Variants in MACC1 observed in about 807,000 individuals in gnomAD.
MACC1 encodes the protein MET transcriptional regulator MACC1.
MACC1 carries 79 observed loss-of-function variants against 70.7 expected under a neutral mutation model. That is an observed-to-expected ratio of 1.12 (90% CI 0.93 to 1.35). MACC1 has a LOEUF of 1.35. Among genes scored for constraint, MACC1 ranks in the 40% most tolerant of loss-of-function variants. The pLI is 0.00. For synonymous variants in MACC1, 361 were observed against 347.2 expected (o/e 1.04, Z -0.44); for missense variants, 1,106 against 978.1 (o/e 1.13, Z -1.74).
chr7:20,150,275 C>T (rs1781955980), intron 6 of MACC1, among the ~76,000 whole-genome samples: 1 of 151,784 alleles, frequency 6.6e-6, no homozygotes, highest in South Asian at 2.1e-4. Flanking sequence ...ACTGATAGAC[C>T]CAGAATAAGC....
intron 1 of MACC1, among the ~76,000 whole-genome samples, chr7:20,179,157 A>G (rs1420032012): frequency 6.6e-6 from 1 of 152,128 alleles, no homozygotes; most frequent in Non-Finnish European, 1.5e-5. Context: ...TTCCATTACT[A>G]TGACTACATT....
intron 1 of MACC1, among the ~76,000 whole-genome samples, chr7:20,183,983 C>G (rs547498002): frequency 6.6e-6 from 1 of 152,288 alleles, no homozygotes; most frequent in South Asian, 2.1e-4. Flanking sequence ...GCTGGGATTA[C>G]AGGCATGAGC....
chr7:20,204,791 C>G (rs1250829983), intron 1 of MACC1, among the ~76,000 whole-genome samples: 1 of 152,078 alleles, frequency 6.6e-6, no homozygotes, highest in East Asian at 1.9e-4. Flanking sequence ...AGGAATTAAC[C>G]ACCACATCTT....
chr7:20,204,239 C>A (rs921633540), intron 1 of MACC1, among the ~76,000 whole-genome samples: 6 of 152,112 alleles, frequency 3.9e-5, no homozygotes, highest in Non-Finnish European at 8.8e-5. Context: ...ACTGCAAACT[C>A]CGCCTCCCGG....
intron 1 of MACC1, among the ~76,000 whole-genome samples, chr7:20,205,155 T>C (rs1467030100): frequency 1.3e-5 from 2 of 152,242 alleles, no homozygotes; most frequent in Non-Finnish European, 2.9e-5. Flanking sequence ...ATTTTCATGA[T>C]GTCAAAACAG....
rs1398584261 is a variant in MACC1, at chr7:20,140,092, T to C, written c.*854A>G. 2 of 152,182 alleles carry C rather than the reference T, an allele frequency of 1.3e-5. No individual in the cohort carries two copies. Among genetic ancestry groups the C allele is most frequent in the African/African-American group, 4.8e-5 (2 of 41,454 alleles). 9.4% of individuals were successfully genotyped at this position (152,182 alleles called of 1,614,324 possible). A position where few individuals can be genotyped will look rare whatever the true frequency, so the allele number is the denominator to read the frequency against. ...GTCCCAAGATGCTGAAGGGAGCTGA[T>C]GAAAACACTAGGTCCATGCATGCAG... On this transcript the variant is annotated 3_prime_UTR_variant, in exon 7 of 7. Transcript: ENST00000400331.
Position 20,172,861 on chromosome 7 carries a change from G to A in MACC1, c.-217-2083C>T, listed in dbSNP as rs1228429986. Among the ~76,000 whole-genome samples the A allele has an allele frequency of 2.6e-5, 4 of 152,178 alleles. No individual in the cohort carries two copies. In the East Asian group the frequency reaches 7.7e-4, roughly 29 times the overall value. On this transcript the variant is annotated intron_variant, in intron 1 of 6. Coordinates refer to ENST00000400331, the MANE Select transcript of MACC1 (RefSeq NM_182762.4). ...CCTTGCTGAGAGCCTGTGCTGCTCT[G>A]GGGAAGCTAGTGGGTTCCTTGTGAT...
intron 6 of MACC1, 123 bp from the exon 7 acceptor site, chr7:20,141,281 G>T: frequency 1.7e-6 from 1 of 585,378 alleles, no homozygotes; most frequent in Non-Finnish European, 2.9e-6. Context: ...AATTACACAT[G>T]GACTTATTTG....
At chr7:20,142,277 G>C (rs17142488) in intron 6 of MACC1, among the ~76,000 whole-genome samples, 1 of 152,034 alleles carries the variant, frequency 6.6e-6, no homozygotes, top group Non-Finnish European at 1.5e-5. Context: ...AAGAATTAAA[G>C]ACCTAAATAG....
chr7:20,191,666 AAGG>A (rs1782674503), intron 1 of MACC1, among the ~76,000 whole-genome samples: 1 of 152,172 alleles, frequency 6.6e-6, no homozygotes, highest in Non-Finnish European at 1.5e-5. Flanking sequence ...AGAAGCTGGA[AAGG>A]AGAAGTGAGT....
chr7:20,149,601 C>T (rs897486178), intron 6 of MACC1, among the ~76,000 whole-genome samples: 13 of 152,126 alleles, frequency 8.5e-5, no homozygotes, highest in African/African-American at 3.1e-4. Context: ...AACCTCTATG[C>T]TCTGGTAGTC....
Position 20,188,143 on chromosome 7 carries a change from A to G in MACC1, c.-217-17365T>C, listed in dbSNP as rs1377170309. Among the ~76,000 whole-genome samples, 7 of 152,220 alleles carry G rather than the reference A, an allele frequency of 4.6e-5. No homozygotes were observed. In the South Asian group the frequency reaches 1.5e-3, roughly 32 times the overall value. ...CTATCTCAAGAAGAGCACAGGAAAAACCATCCCCATGATTCAATTATCTCC... is the reference window on the plus strand; with the variant it reads ...CTATCTCAAGAAGAGCACAGGAAAAGCCATCCCCATGATTCAATTATCTCC... On this transcript the variant is annotated intron_variant, in intron 1 of 6. Transcript: ENST00000400331.
intron 2 of MACC1, among the ~76,000 whole-genome samples, chr7:20,167,139 A>T (rs139307066): frequency 5.9e-5 from 9 of 152,152 alleles, no homozygotes; most frequent in African/African-American, 2.2e-4. Context: ...TTTCTTGTTT[A>T]CTTGCAACAA....
At chr7:20,174,623 A>G (rs1043088159) in intron 1 of MACC1, among the ~76,000 whole-genome samples, 1 of 152,102 alleles carries the variant, frequency 6.6e-6, no homozygotes, top group African/African-American at 2.4e-5. Context: ...AAAATCTACT[A>G]TTGATGTTTT....
chr7:20,215,510 A>G (rs1402881218), intron 1 of MACC1, among the ~76,000 whole-genome samples: 1 of 152,186 alleles, frequency 6.6e-6, no homozygotes, highest in Non-Finnish European at 1.5e-5. Context: ...GGAGAATTAC[A>G]AGTTTCATTC....
intron 1 of MACC1, among the ~76,000 whole-genome samples, chr7:20,212,396 G>T (rs939195773): frequency 1.3e-5 from 2 of 152,136 alleles, no homozygotes; most frequent in Non-Finnish European, 2.9e-5. Context: ...CTATAAAGAA[G>T]CCTCTTATCT....
intron 1 of MACC1, among the ~76,000 whole-genome samples, chr7:20,174,279 C>A (rs1227171282): frequency 6.6e-6 from 1 of 152,126 alleles, no homozygotes. Flanking sequence ...AAGCTTTCCC[C>A]AATCAGCATC....
At chr7:20,211,313 A>G (rs958205537) in intron 1 of MACC1, among the ~76,000 whole-genome samples, 1 of 152,110 alleles carries the variant, frequency 6.6e-6, no homozygotes, top group Non-Finnish European at 1.5e-5. Context: ...TATAGTAAGT[A>G]CTCAGTTGGT....
chr7:20,209,176 T>C (rs1583413805), intron 1 of MACC1, among the ~76,000 whole-genome samples: 1 of 152,164 alleles, frequency 6.6e-6, no homozygotes, highest in East Asian at 1.9e-4. Flanking sequence ...CCCCCACACA[T>C]AGTCCGCTCT....
Sources: allele counts gnomAD v4.1 joint callset (sites outside exome capture counted in the v4.1 genomes callset), GRCh38; gene constraint gnomAD v4.1.1; transcripts MANE v1.5; gene names NCBI Gene and HGNC (gene_info 2026-07-23, HGNC 2026-07-21).